BOD1L1: variants seen among roughly 807,000 people sequenced by gnomAD.
BOD1L1 encodes the protein biorientation of chromosomes in cell division 1 like 1, also known as biorientation of chromosomes in cell division protein 1-like 1.
In BOD1L1, 86 loss-of-function variants were observed where a neutral mutation model predicts 240.7. That is an observed-to-expected ratio of 0.36 (90% CI 0.30 to 0.43). BOD1L1 has a LOEUF of 0.43. Among genes scored for constraint, BOD1L1 ranks in the 20% least tolerant of loss-of-function variants. The pLI is 1.00. For synonymous variants in BOD1L1, 1,268 were observed against 1,272.3 expected (o/e 1.00, Z 0.07); for missense variants, 3,554 against 3,643.5 (o/e 0.98, Z 0.63).
intron 1 of BOD1L1, among the ~76,000 whole-genome samples, chr4:13,622,693 C>A (rs547543773): frequency 6.6e-6 from 1 of 152,206 alleles, no homozygotes; most frequent in Non-Finnish European, 1.5e-5. Context: ...TGGCCTCATG[C>A]AGAATTCTAT....
Position 13,569,955 on chromosome 4 carries a change from T to C in BOD1L1, c.*56A>G. Reference sequence around the variant, plus strand: ...AGAGAAGCCTATGGCCACCAAGGCATGTCTCTTTCCTCTCCACCGTGTTCC... The same window carrying C: ...AGAGAAGCCTATGGCCACCAAGGCACGTCTCTTTCCTCTCCACCGTGTTCC... On this transcript the variant is annotated 3_prime_UTR_variant, in exon 26 of 26. Coordinates refer to ENST00000040738, the MANE Select transcript of BOD1L1 (RefSeq NM_148894.3). The C allele has an allele frequency of 1.5e-6, 2 of 1,305,396 alleles. No homozygotes were observed. Among genetic ancestry groups the C allele is most frequent in the Non-Finnish European group, 1.0e-6 (1 of 979,460 alleles). 80.9% of individuals were successfully genotyped at this position (1,305,396 alleles called of 1,614,324 possible).
rs192660529 is a variant in BOD1L1, at chr4:13,600,163, A to G, written c.6737T>C (p.Val2246Ala). 1.2e-6 allele frequency: 2 copies of G among 1,613,878 alleles called. No individual in the cohort carries two copies. Among genetic ancestry groups the G allele is most frequent in the African/African-American group, 2.7e-5 (2 of 75,008 alleles). ...VESENERAGT[V>A]MEEKDGSGII... ...GCCACTCCCGTCTTTTTCTTCCATGACTGTGCCAGCTCGCTCATTTTCACT... is the reference window on the plus strand; with the variant it reads ...GCCACTCCCGTCTTTTTCTTCCATGGCTGTGCCAGCTCGCTCATTTTCACT... The change falls in exon 10 of 26, where the codon GTC becomes GCC. Residue 2246 changes from valine to alanine, a missense_variant. Transcript: ENST00000040738.
Position 13,604,785 on chromosome 4 carries a change from T to C in BOD1L1, c.2115A>G (p.Lys705=). Residue 705 remains lysine, a synonymous_variant, in exon 10 of 26, where the codon AAA becomes AAG. Coordinates refer to ENST00000040738, the MANE Select transcript of BOD1L1 (RefSeq NM_148894.3). ...STLKNEKHLK[K]DDSETPHLKS... ...TCAAATGTGGTGTTTCAGAATCATCTTTCTTTAGATGCTTTTCGTTTTTAA... is the reference window on the plus strand; with the variant it reads ...TCAAATGTGGTGTTTCAGAATCATCCTTCTTTAGATGCTTTTCGTTTTTAA... The C allele has an allele frequency of 1.2e-6, 2 of 1,613,458 alleles. No individual in the cohort carries two copies. The highest frequency in any genetic ancestry group is 1.7e-6 in the Non-Finnish European group (2 of 1,179,698).
chr4:13,590,088 C>G (rs1410342387), intron 14 of BOD1L1, among the ~76,000 whole-genome samples: 1 of 152,108 alleles, frequency 6.6e-6, no homozygotes, highest in African/African-American at 2.4e-5. Flanking sequence ...CCACAGGGGG[C>G]TATTCGTTTT....
In BOD1L1 at chr4:13,587,781, AG is replaced by A; in HGVS notation, c.8281-11del. On this transcript the variant is annotated splice_polypyrimidine_tract_variant and intron_variant, in intron 15 of 25. Transcript: ENST00000040738. ...TTTCTTCCTCTTCAACCTGGAATTA[AG>A]AATGACTATATCAAAGGCCATAGAA... 6.5e-7 allele frequency: 1 copy of A among 1,532,218 alleles called. No homozygotes were observed. Among genetic ancestry groups the A allele is most frequent in the Non-Finnish European group, 8.9e-7 (1 of 1,127,692 alleles). The allele number at this position is 1,532,218 out of a possible 1,614,324, so 94.9% of individuals were successfully genotyped here.
intron 9 of BOD1L1, among the ~76,000 whole-genome samples, chr4:13,606,223 C>G (rs908682410): frequency 6.6e-6 from 1 of 152,070 alleles, no homozygotes; most frequent in African/African-American, 2.4e-5. Context: ...AAAACTAATT[C>G]TAAGCAATGT....
In BOD1L1 at chr4:13,609,750, T is replaced by C. The variant is rs77760713; in HGVS notation, c.1492-344A>G. ...TCAATTAAAATGATAGCTGTGAAAATATCTATGAACATCAAGTATATATAG... is the reference window on the plus strand; with the variant it reads ...TCAATTAAAATGATAGCTGTGAAAACATCTATGAACATCAAGTATATATAG... On this transcript the variant is annotated intron_variant, in intron 6 of 25. Transcript: ENST00000040738. Among the ~76,000 whole-genome samples the C allele has an allele frequency of 6.6e-3, 1,007 of 152,260 alleles. 12 individuals carry two copies. Among genetic ancestry groups the C allele is most frequent in the African/African-American group, 0.023 (963 of 41,538 alleles).
At position 13,602,702 on chromosome 4, in the gene BOD1L1, T is replaced by C. The variant is rs376240927; in HGVS notation, c.4198A>G (p.Ile1400Val). 8.1e-6 allele frequency: 13 copies of C among 1,613,938 alleles called. No individual in the cohort carries two copies. The highest frequency in any genetic ancestry group is 2.2e-5 in the East Asian group (1 of 44,902). Residue 1400 changes from isoleucine (I) to valine (V), a missense_variant, in exon 10 of 26, where the codon ATT becomes GTT. Ile to Val is a conservative substitution (Grantham distance 29). Coordinates refer to ENST00000040738, the MANE Select transcript of BOD1L1 (RefSeq NM_148894.3). Reference protein sequence around the residue: ...LTGVIVENENITKEGGLVDMA... With the variant: ...LTGVIVENENVTKEGGLVDMA... The stretch of plus-strand genomic sequence containing the variant: ...TCCACTAAGCCACCTTCTTTGGTAA[T>C]ATTCTCATTTTCCACAATCACGCCC...
At chr4:13,612,392 A>G (rs1335649250) in intron 5 of BOD1L1, among the ~76,000 whole-genome samples, 2 of 152,214 alleles carry the variant, frequency 1.3e-5, no homozygotes, top group East Asian at 1.9e-4. Context: ...TAAGAGCAAC[A>G]TAAGATATTG....
intron 13 of BOD1L1, among the ~76,000 whole-genome samples, chr4:13,591,113 C>G (rs1395579977): frequency 6.6e-6 from 1 of 151,852 alleles, no homozygotes; most frequent in African/African-American, 2.4e-5. Flanking sequence ...CTATGTTGCC[C>G]AGGCTGGACC....
intron 25 of BOD1L1, chr4:13,572,734 G>A (rs752657281): frequency 1.2e-5 from 16 of 1,289,584 alleles, no homozygotes; most frequent in Middle Eastern, 2.1e-4. Context: ...TAACTTTTTC[G>A]CTGGTAGGTA....
At chr4:13,587,588 A>G (rs6838908) in intron 16 of BOD1L1, 111 bp downstream of exon 16, 608,684 of 765,992 alleles carry the variant, frequency 0.79, 248,364 homozygotes, top group East Asian at 0.96. Flanking sequence ...CAAGACTTGT[A>G]AAGTAGAGAG....
At chr4:13,572,910 G>A (rs1560175004) in intron 25 of BOD1L1, 1 of 1,226,642 alleles carries the variant, frequency 8.2e-7, no homozygotes, top group East Asian at 5.7e-5. Context: ...AACTCTGTAG[G>A]AAGTATGAGG....
intron 2 of BOD1L1, among the ~76,000 whole-genome samples, chr4:13,618,598 C>T (rs1477643259): frequency 1.3e-5 from 2 of 152,200 alleles, no homozygotes; most frequent in Non-Finnish European, 2.9e-5. Context: ...TTTACAGGTT[C>T]CTCAGACATC....
Position 13,612,652 on chromosome 4 carries a change from C to G in BOD1L1, c.1324+860G>C, listed in dbSNP as rs935540776. On this transcript the variant is annotated intron_variant, in intron 5 of 25. Transcript: ENST00000040738. ...TCAGCCTTGCCCAGAGAGGTCTGGC[C>G]TTTACCATTAGCTTCTGGGAGGTAA... Among the ~76,000 whole-genome samples, 8 of 152,290 alleles carry G rather than the reference C, an allele frequency of 5.3e-5. No individual in the cohort carries two copies. In the East Asian group the frequency reaches 1.5e-3, roughly 29 times the overall value.
rs148464264 is a variant in BOD1L1 at position 13,602,401 on chromosome 4, C to T, written c.4499G>A (p.Gly1500Glu). ...CCCAGTTGCCACATCCTCAGTTTGTCCGTTCCTTTGGTGTAAAACAGAGGG... is the reference window on the plus strand; with the variant it reads ...CCCAGTTGCCACATCCTCAGTTTGTTCGTTCCTTTGGTGTAAAACAGAGGG... Reference protein sequence around the residue: ...SAPSVLHQRNGQTEDVATGPR... With the variant: ...SAPSVLHQRNEQTEDVATGPR... Residue 1500 changes from glycine to glutamate, a missense_variant, in exon 10 of 26, where the codon GGA becomes GAA. Transcript: ENST00000040738. The T allele has an allele frequency of 3.2e-4, 513 of 1,613,880 alleles. No individual in the cohort carries two copies. The highest frequency in any genetic ancestry group is 6.6e-4 in the Middle Eastern group (4 of 6,084).
At chr4:13,624,821 G>A (rs1480510468) in intron 1 of BOD1L1, 2 of 152,188 alleles carry the variant, frequency 1.3e-5, no homozygotes, top group African/African-American at 2.4e-5. Flanking sequence ...AAATATGCAC[G>A]TGACAGACAT....
At chr4:13,606,133 G>A (rs1715683373) in intron 9 of BOD1L1, among the ~76,000 whole-genome samples, 1 of 152,036 alleles carries the variant, frequency 6.6e-6, no homozygotes, top group Non-Finnish European at 1.5e-5. Flanking sequence ...CAGGGTCCAG[G>A]ACATAACAAG....
chr4:13,586,186 G>A (rs376165385), intron 17 of BOD1L1, among the ~76,000 whole-genome samples: 4 of 152,212 alleles, frequency 2.6e-5, no homozygotes, highest in South Asian at 4.1e-4. Flanking sequence ...TAATTAACAC[G>A]ATCTTGCAGT....
Sources: allele counts gnomAD v4.1 joint callset (sites outside exome capture counted in the v4.1 genomes callset), GRCh38; gene constraint gnomAD v4.1.1; transcripts MANE v1.5; gene names NCBI Gene and HGNC (gene_info 2026-07-23, HGNC 2026-07-21).